TRAPPC10: variants seen among roughly 807,000 people sequenced by gnomAD.
The protein encoded by TRAPPC10 is trafficking protein particle complex subunit 10.
In TRAPPC10, 23 loss-of-function variants were observed where a neutral mutation model predicts 125.5. That is an observed-to-expected ratio of 0.18 (90% CI 0.13 to 0.26). The LOEUF (loss-of-function observed/expected upper bound fraction) is 0.26, where lower values mean the gene tolerates loss of function less well. Ranked by LOEUF, TRAPPC10 falls within the 10% of genes least tolerant of loss-of-function variation. The pLI, the probability that TRAPPC10 is intolerant of heterozygous loss-of-function variation, is 1.00. For synonymous variants in TRAPPC10, 509 were observed against 518.0 expected, an observed-to-expected ratio of 0.98 and a Z score of 0.24; for missense variants, 1,123 against 1,308.4, an observed-to-expected ratio of 0.86 and a Z score of 2.19.
At chr21:44,045,760 G>T (rs1323140792) in intron 3 of TRAPPC10, among the ~76,000 whole-genome samples, 1 of 151,956 alleles carries the variant, frequency 6.6e-6, no homozygotes, top group African/African-American at 2.4e-5. Flanking sequence ...GTTTAACCGT[G>T]TTGGCCAGGC....
rs772407834 is a variant in TRAPPC10 at position 44,032,186 on chromosome 21, GT to G, written c.149+20del. ...GGAATGGAGAAGGTATGAGTTGTGT[GT>G]TTTTTGGCTGTATCCCTCTCTTCAT... is the stretch of plus-strand genomic sequence containing the variant. On this transcript the variant is annotated intron_variant, in intron 2 of 22. Transcript: ENST00000291574. 8.7e-6 allele frequency: 14 copies of G among 1,606,168 alleles called. 1 individual carries two copies. In the African/African-American group the frequency reaches 1.5e-4, roughly 17 times the overall value.
chr21:44,076,963 A>G (rs1317049038), intron 10 of TRAPPC10, among the ~76,000 whole-genome samples: 1 of 152,238 alleles, frequency 6.6e-6, no homozygotes, highest in African/African-American at 2.4e-5. Flanking sequence ...GAGCTATTGT[A>G]TTTGATTTTG....
chr21:44,052,972 C>T (rs1294424665), intron 4 of TRAPPC10, among the ~76,000 whole-genome samples: 1 of 152,092 alleles, frequency 6.6e-6, no homozygotes, highest in African/African-American at 2.4e-5. Flanking sequence ...GCCCTGCTCT[C>T]TCTCCTGGGG....
At chr21:44,035,480 G>T (rs1420580454) in intron 2 of TRAPPC10, among the ~76,000 whole-genome samples, 1 of 152,212 alleles carries the variant, frequency 6.6e-6, no homozygotes. Context: ...AAGCTTTTCA[G>T]TACTCTTTGT....
Position 44,083,160 on chromosome 21 carries a change from T to C in TRAPPC10, c.2096T>C (p.Val699Ala). The change falls in exon 14 of 23, where the codon GTC becomes GCC. Residue 699 changes from valine (V) to alanine (A), a missense_variant. Physicochemically the swap from Val to Ala is moderately conservative, Grantham distance 64 (BLOSUM62 0). This residue lies in a region of TRAPPC10 where 840 missense variants were observed against 902.0 expected (regional missense o/e 0.93). Transcript: ENST00000291574. Reference protein sequence around the residue: ...LNTTGIICRNVHMLLRRQESS... With the variant: ...LNTTGIICRNAHMLLRRQESS... ...ACGACTGGGATTATCTGCAGAAACG[T>C]CCACATGCTCCTGAGAAGGCAGGAG... The C allele has an allele frequency of 6.2e-7, 1 of 1,614,230 alleles. No individual in the cohort carries two copies. The highest frequency in any genetic ancestry group is 2.2e-5 in the East Asian group (1 of 44,892).
chr21:44,048,800 T>G (rs1311282710), intron 3 of TRAPPC10, among the ~76,000 whole-genome samples: 5 of 138,958 alleles, frequency 3.6e-5, no homozygotes, highest in Admixed American at 1.5e-4. Context: ...ACCCTGTGTT[T>G]TTTTTTTTTT....
intron 1 of TRAPPC10, among the ~76,000 whole-genome samples, chr21:44,014,982 T>C (rs981925094): frequency 1.3e-5 from 2 of 152,216 alleles, no homozygotes; most frequent in Non-Finnish European, 2.9e-5. Flanking sequence ...TTCATCTTGC[T>C]CCTCTCTTTC....
intron 7 of TRAPPC10, among the ~76,000 whole-genome samples, chr21:44,069,788 T>C (rs188032740): frequency 1.6e-4 from 24 of 152,258 alleles, no homozygotes; most frequent in African/African-American, 5.8e-4. Flanking sequence ...CGTTGCACCG[T>C]GGCCCTGTAG....
Position 44,037,858 on chromosome 21 carries a change from G to T in TRAPPC10, c.216G>T (p.Leu72=). 3.1e-6 allele frequency: 5 copies of T among 1,614,176 alleles called. No homozygotes were observed. Among genetic ancestry groups the T allele is most frequent in the Non-Finnish European group, 4.2e-6 (5 of 1,180,032 alleles). The part of the protein sequence containing the change: ...ESNFVQFKEE[L]LPKEGNKALL... ...ACTTTGTTCAATTCAAAGAGGAGCT[G>T]CTGCCCAAAGAAGGAAACAAAGCTC... The change falls in exon 3 of 23, where the codon CTG becomes CTT. Residue 72 remains leucine (L), a synonymous_variant. Transcript: ENST00000291574.
intron 1 of TRAPPC10, among the ~76,000 whole-genome samples, chr21:44,026,228 G>A (rs895506557): frequency 5.9e-5 from 9 of 151,970 alleles, no homozygotes; most frequent in South Asian, 2.1e-4. Flanking sequence ...CCCCGACTGC[G>A]AAGGCTTTTC....
chr21:44,020,125 CT>C (rs113935496), intron 1 of TRAPPC10, among the ~76,000 whole-genome samples: 161 of 139,476 alleles, frequency 1.2e-3, no homozygotes, highest in Admixed American at 1.2e-3. Flanking sequence ...CTTTTCTTTT[CT>C]TTTTTTTTTT....
At position 44,062,870 on chromosome 21, in the gene TRAPPC10, A is replaced by G. The variant is rs377670409; in HGVS notation, c.791-668A>G. ...CTGTTGAAGTGAGAAAAATAGATTC[A>G]AAGATTTTTTTCAATAATGATTGAT... On this transcript the variant is annotated intron_variant, in intron 6 of 22. Transcript: ENST00000291574. 101 of 985,438 alleles carry G rather than the reference A, an allele frequency of 1.0e-4. 1 individual carries two copies. The African/African-American group carries it at 1.6e-3, about 16-fold the overall frequency. The allele number at this position is 985,438 out of a possible 1,614,324, so 61.0% of individuals were successfully genotyped here.
At chr21:44,047,884 T>C (rs1190054769) in intron 3 of TRAPPC10, among the ~76,000 whole-genome samples, 1 of 152,248 alleles carries the variant, frequency 6.6e-6, no homozygotes, top group African/African-American at 2.4e-5. Flanking sequence ...TGTAACTCTT[T>C]TAATTGCTTT....
chr21:44,087,268 C>A lies in TRAPPC10; in HGVS notation c.2539+308C>A, dbSNP rs2038203786. Among the ~76,000 whole-genome samples the A allele has an allele frequency of 1.3e-5, 2 of 152,160 alleles. No individual in the cohort carries two copies. The highest frequency in any genetic ancestry group is 4.1e-4 in the South Asian group (2 of 4,832). On this transcript the variant is annotated intron_variant, in intron 16 of 22. Transcript: ENST00000291574. The surrounding 1 kb of genome is among the most constrained non-coding windows in gnomAD (Gnocchi z 4.6). ...CCAGACCCTGTCCCCCTTGGGCTGG[C>A]CCTGCTCCCGAGAAGCAAAAGCAGA... is the stretch of plus-strand genomic sequence containing the variant.
chr21:44,043,664 A>T (rs2034573177), intron 3 of TRAPPC10, among the ~76,000 whole-genome samples: 1 of 152,174 alleles, frequency 6.6e-6, no homozygotes, highest in Non-Finnish European at 1.5e-5. Context: ...TCTATGTGAC[A>T]GTGACTTTCC....
Position 44,055,896 on chromosome 21 carries a change from A to G in TRAPPC10, c.678+3A>G. 6.3e-7 allele frequency: 1 copy of G among 1,595,464 alleles called. No homozygotes were observed. Among genetic ancestry groups the G allele is most frequent in the Non-Finnish European group, 8.6e-7 (1 of 1,165,202 alleles). On this transcript the variant is annotated splice_donor_region_variant and intron_variant, in intron 5 of 22. Coordinates refer to ENST00000291574, the MANE Select transcript of TRAPPC10 (RefSeq NM_003274.5). ...TTTGTGAATATTTCATGGTTCAGGTACTTGACTCATTACAGAACTAGACAG... is the reference window on the plus strand; with the variant it reads ...TTTGTGAATATTTCATGGTTCAGGTGCTTGACTCATTACAGAACTAGACAG...
intron 3 of TRAPPC10, chr21:44,046,349 A>T: frequency 3.6e-6 from 1 of 275,586 alleles, no homozygotes; most frequent in South Asian, 5.1e-5. Context: ...GGCATCCTTT[A>T]GACAGTCCGC....
In TRAPPC10 at chr21:44,086,288, GCTCA is replaced by G. The variant is rs1555961378; in HGVS notation, c.2381-510_2381-507del. ...TGCAGCAGGATTCTCAGAGGCCTCAGCTCACTCCTGCCTCTCATTGCTGTCTTGG... is the reference window on the plus strand; with the variant it reads ...TGCAGCAGGATTCTCAGAGGCCTCAGCTCCTGCCTCTCATTGCTGTCTTGG... On this transcript the variant is annotated intron_variant, in intron 15 of 22. Transcript: ENST00000291574. Among the ~76,000 whole-genome samples, 4 of 152,348 alleles carry G rather than the reference GCTCA, an allele frequency of 2.6e-5. No individual in the cohort carries two copies. In the East Asian group the frequency reaches 5.8e-4, roughly 22 times the overall value.
In TRAPPC10 at chr21:44,046,058, T is replaced by C. The variant is rs2034783432; in HGVS notation, c.286-6222T>C. ...ACCAGATGTTTGTTACTATACCTTC[T>C]GCATCACAATTAAAATCCGAGCAGT... On this transcript the variant is annotated intron_variant, in intron 3 of 22. Transcript: ENST00000291574. Among the ~76,000 whole-genome samples the C allele has an allele frequency of 3.3e-5, 5 of 152,224 alleles. No individual in the cohort carries two copies. The South Asian group carries it at 1.0e-3, about 32-fold the overall frequency.
Sources: allele counts gnomAD v4.1 joint callset (sites outside exome capture counted in the v4.1 genomes callset), GRCh38; gene constraint gnomAD v4.1.1; regional missense constraint gnomAD v4.1.1; non-coding constraint Gnocchi (gnomAD v3.1); transcripts MANE v1.5; gene names NCBI Gene and HGNC (gene_info 2026-07-23, HGNC 2026-07-21).